PAM: variants seen among roughly 807,000 people sequenced by gnomAD.
PAM encodes the protein peptidylglycine alpha-amidating monooxygenase, also known as peptidyl-glycine alpha-amidating monooxygenase.
PAM carries 72 observed loss-of-function variants against 122.1 expected under a neutral mutation model. The observed-to-expected ratio is 0.59, with a 90% confidence interval of 0.49 to 0.72. The LOEUF (loss-of-function observed/expected upper bound fraction) is 0.72, where lower values mean the gene tolerates loss of function less well. PAM is among the 30% of genes least tolerant of loss of function. The probability of loss-of-function intolerance (pLI) is 0.00; values close to 1 mark genes in which losing one functional copy is unlikely to be tolerated. For synonymous variants in PAM, 389 were observed against 404.4 expected, an observed-to-expected ratio of 0.96 and a Z score of 0.46; for missense variants, 1,106 against 1,183.7, an observed-to-expected ratio of 0.93 and a Z score of 0.96.
intron 5 of PAM, among the ~76,000 whole-genome samples, chr5:102,919,941 C>A (rs1746798611): frequency 6.6e-6 from 1 of 152,010 alleles, no homozygotes; most frequent in South Asian, 2.1e-4. Flanking sequence ...ACAGTTGGAA[C>A]CCTTTTGACT....
chr5:102,995,706 CCTAT>C lies in PAM; in HGVS notation c.1613+5310_1613+5313del, dbSNP rs371995150. Reference sequence around the variant, plus strand: ...ATGATACCTAGTTCTTTTTTCTCTTCCTATCTATTTGTGGTATTTATAGTTCTAG... The same window carrying C: ...ATGATACCTAGTTCTTTTTTCTCTTCCTATTTGTGGTATTTATAGTTCTAG... On this transcript the variant is annotated intron_variant, in intron 16 of 25. Transcript: ENST00000438793. Among the ~76,000 whole-genome samples the C allele has an allele frequency of 4.0e-3, 614 of 152,120 alleles. 2 individuals carry two copies. Among genetic ancestry groups the C allele is most frequent in the African/African-American group, 0.014 (570 of 41,524 alleles).
At chr5:103,009,933 T>C (rs2151114244) in intron 21 of PAM, 67 bp downstream of exon 21, 2 of 796,422 alleles carry the variant, frequency 2.5e-6, no homozygotes, top group Non-Finnish European at 3.9e-6. Context: ...ATCTTGGCAT[T>C]CAATCTGTAC....
At chr5:102,977,197 G>A (rs1184482238) in intron 15 of PAM, among the ~76,000 whole-genome samples, 2 of 152,018 alleles carry the variant, frequency 1.3e-5, no homozygotes, top group East Asian at 1.9e-4. Context: ...AACACCTGAG[G>A]GTTTCAAAAA....
chr5:102,950,416 G>GGGGTGTGTGT (rs372626572), intron 11 of PAM, among the ~76,000 whole-genome samples: 14 of 145,966 alleles, frequency 9.6e-5, no homozygotes, highest in Non-Finnish European at 1.8e-4. Context: ...TATGTGGGTG[G>GGGGTGTGTGT]GTGTGTGTGT....
At chr5:102,967,832 C>T (rs1368445662) in intron 14 of PAM, among the ~76,000 whole-genome samples, 1 of 151,140 alleles carries the variant, frequency 6.6e-6, no homozygotes, top group East Asian at 2.0e-4. Flanking sequence ...AAGCAATTCT[C>T]CTGTCTCAGC....
intron 1 of PAM, among the ~76,000 whole-genome samples, chr5:102,799,278 G>GT (rs1764107351): frequency 6.6e-6 from 1 of 152,162 alleles, no homozygotes; most frequent in African/African-American, 2.4e-5. Context: ...AATGCAACGT[G>GT]TATATTTAGA....
intron 1 of PAM, among the ~76,000 whole-genome samples, chr5:102,802,571 A>T (rs77668411): frequency 0.026 from 3,989 of 152,162 alleles, 105 homozygotes; most frequent in East Asian, 0.14. Flanking sequence ...AGCACATAGC[A>T]TGTTGTATTG....
rs375370175 is a variant in PAM, at chr5:102,974,446, G to A, written c.1483+10G>A. The A allele has an allele frequency of 4.6e-5, 73 of 1,589,028 alleles. No homozygotes were observed. Among genetic ancestry groups the A allele is most frequent in the Admixed American group, 1.0e-4 (6 of 57,588 alleles). On this transcript the variant is annotated intron_variant, in intron 15 of 25. Coordinates refer to ENST00000438793, the MANE Select transcript of PAM (RefSeq NM_001177306.2). ...CCAGAACACACAGGAGGTGCGTGTAGGGTTTCTTTTAAGCAGTAAAGTGTG... is the reference window on the plus strand; with the variant it reads ...CCAGAACACACAGGAGGTGCGTGTAAGGTTTCTTTTAAGCAGTAAAGTGTG...
Position 102,813,033 on chromosome 5 carries a change from T to C in PAM, c.-373-52790T>C, listed in dbSNP as rs905412150. Among the ~76,000 whole-genome samples, 7 of 151,672 alleles carry C rather than the reference T, an allele frequency of 4.6e-5. No individual in the cohort carries two copies. The East Asian group carries it at 1.4e-3, about 29-fold the overall frequency. Reference sequence around the variant, plus strand: ...CAATTTAATATGTATTTTATCCTACTACAGTAAATTAGAGAAGAGATGAAA... The same window carrying C: ...CAATTTAATATGTATTTTATCCTACCACAGTAAATTAGAGAAGAGATGAAA... On this transcript the variant is annotated intron_variant, in intron 1 of 25. Coordinates refer to ENST00000438793, the MANE Select transcript of PAM (RefSeq NM_001177306.2).
chr5:102,810,193 T>C (rs565081895), intron 1 of PAM, among the ~76,000 whole-genome samples: 1 of 152,308 alleles, frequency 6.6e-6, no homozygotes, highest in Admixed American at 6.5e-5. Context: ...GTAGTAATAA[T>C]TACGAAATAT....
At chr5:102,860,892 C>T (rs1035229724) in intron 1 of PAM, among the ~76,000 whole-genome samples, 1 of 152,108 alleles carries the variant, frequency 6.6e-6, no homozygotes, top group Admixed American at 6.5e-5. Context: ...ATGGTCCTCC[C>T]CACCTAGCTA....
intron 15 of PAM, among the ~76,000 whole-genome samples, chr5:102,988,715 G>GA (rs1383078639): frequency 1.4e-5 from 2 of 143,728 alleles, no homozygotes; most frequent in African/African-American, 2.6e-5. Flanking sequence ...GAGAAAGAAA[G>GA]AAAAGAAAAA....
At chr5:102,838,808 T>C (rs1288329237) in intron 1 of PAM, among the ~76,000 whole-genome samples, 1 of 152,188 alleles carries the variant, frequency 6.6e-6, no homozygotes, top group Non-Finnish European at 1.5e-5. Flanking sequence ...AAAATCTTGA[T>C]TAAGATGGAA....
chr5:103,030,442 CA>C (rs1786091584), downstream of PAM: 1 of 152,158 alleles, frequency 6.6e-6, no homozygotes, highest in Non-Finnish European at 1.5e-5. Context: ...GTTTTTCCGG[CA>C]TCATAGTAGT....
intron 1 of PAM, among the ~76,000 whole-genome samples, chr5:102,839,664 C>G (rs75581835): frequency 6.6e-6 from 1 of 151,936 alleles, no homozygotes; most frequent in African/African-American, 2.4e-5. Flanking sequence ...AAAACTAAAT[C>G]GAGCTATGTA....
Position 102,913,834 on chromosome 5 carries a change from T to G in PAM, c.269-100T>G, listed in dbSNP as rs975792158. 6 of 689,768 alleles carry G rather than the reference T, an allele frequency of 8.7e-6. No individual in the cohort carries two copies. In the African/African-American group the frequency reaches 9.0e-5, roughly 10 times the overall value. The allele number at this position is 689,768 out of a possible 1,614,324, so 42.7% of individuals were successfully genotyped here. ...GATCACAAGAACATCAAAACATCTT[T>G]GTTATACAGGTATTTGAACTGTTCA... On this transcript the variant is annotated intron_variant, in intron 4 of 25. Coordinates refer to ENST00000438793, the MANE Select transcript of PAM (RefSeq NM_001177306.2).
chr5:102,984,782 TCTTTTTATCA>T (rs1771187078), intron 15 of PAM, among the ~76,000 whole-genome samples: 1 of 152,162 alleles, frequency 6.6e-6, no homozygotes, highest in Non-Finnish European at 1.5e-5. Flanking sequence ...GAATGCACAT[TCTTTTTATCA>T]GCACATGTAA....
chr5:103,030,105 C>G (rs946318974), downstream of PAM: 2 of 152,068 alleles, frequency 1.3e-5, no homozygotes, highest in Admixed American at 1.3e-4. Flanking sequence ...TACAGTGGCT[C>G]AAGCCTATAC....
intron 21 of PAM, among the ~76,000 whole-genome samples, chr5:103,015,844 A>G (rs938714787): frequency 2.0e-5 from 3 of 152,142 alleles, no homozygotes; most frequent in African/African-American, 7.2e-5. Context: ...TTTATGACAT[A>G]TTGTGATTTA....
Sources: gnomAD v4.1 joint callset for allele counts (sites outside exome capture counted in the v4.1 genomes callset) on GRCh38, gnomAD v4.1.1 for gene constraint, MANE v1.5 for transcripts, NCBI Gene and HGNC (gene_info 2026-07-23, HGNC 2026-07-21) for gene names.